Variants in TENM3 observed in about 807,000 individuals in gnomAD.
TENM3 encodes the protein teneurin-3.
A neutral mutation model predicts 255.1 loss-of-function variants in TENM3; 63 were observed. That is an observed-to-expected ratio of 0.25 (90% CI 0.20 to 0.30). The LOEUF (loss-of-function observed/expected upper bound fraction) is 0.30, where lower values mean the gene tolerates loss of function less well. Ranked by LOEUF, TENM3 falls within the 10% of genes least tolerant of loss-of-function variation. TENM3 has a pLI of 1.00. For synonymous variants in TENM3, 1,306 were observed against 1,322.3 expected (o/e 0.99, Z 0.27); for missense variants, 2,929 against 3,461.1 (o/e 0.85, Z 3.86).
intron 3 of TENM3, among the ~76,000 whole-genome samples, chr4:182,501,227 A>G (rs1736284078): frequency 6.6e-6 from 1 of 152,154 alleles, no homozygotes; most frequent in Non-Finnish European, 1.5e-5. Context: ...TTCTGTGTTC[A>G]GTAGAGTGCT....
intron 3 of TENM3, among the ~76,000 whole-genome samples, chr4:182,527,892 T>C (rs1265049768): frequency 6.6e-6 from 1 of 152,056 alleles, no homozygotes; most frequent in Non-Finnish European, 1.5e-5. Context: ...CACGCCCGGC[T>C]AATTTTTGTA....
the TENM3 span, among the ~76,000 whole-genome samples, chr4:181,668,085 A>G: frequency 6.6e-6 from 1 of 152,352 alleles, no homozygotes; most frequent in South Asian, 2.1e-4. Context: ...TCTGGGCCCA[A>G]TGCATCCCAA....
chr4:182,138,802 A>G, the TENM3 span, among the ~76,000 whole-genome samples: 1 of 152,186 alleles, frequency 6.6e-6, no homozygotes, highest in African/African-American at 2.4e-5. Context: ...GCCTTTTCTC[A>G]TTGTTTTTGT....
chr4:182,036,186 T>C, the TENM3 span, among the ~76,000 whole-genome samples: 2 of 152,120 alleles, frequency 1.3e-5, no homozygotes, highest in Admixed American at 1.3e-4. Flanking sequence ...TGCATCTGTG[T>C]GTGATAATCT....
the TENM3 span, among the ~76,000 whole-genome samples, chr4:181,575,147 A>C: frequency 6.6e-6 from 1 of 152,100 alleles, no homozygotes. Flanking sequence ...CAGGAGTTTA[A>C]GTTTTTTGTT....
intron 1 of TENM3, among the ~76,000 whole-genome samples, chr4:182,147,481 A>C (rs1750048518): frequency 6.6e-6 from 1 of 152,140 alleles, no homozygotes; most frequent in South Asian, 2.1e-4. Context: ...ACCCTGTAAA[A>C]ATTTGATTTC....
At chr4:181,955,280 G>C in the TENM3 span, among the ~76,000 whole-genome samples, 2 of 152,158 alleles carry the variant, frequency 1.3e-5, no homozygotes, top group African/African-American at 4.8e-5. Context: ...GCAGAATTTA[G>C]TATATTTGTA....
chr4:182,167,622 C>T (rs1468682285), intron 1 of TENM3, among the ~76,000 whole-genome samples: 1 of 152,116 alleles, frequency 6.6e-6, no homozygotes, highest in East Asian at 1.9e-4. Context: ...CCTATAATCT[C>T]AGCACTTTGG....
the TENM3 span, chr4:181,820,117 G>C: frequency 6.6e-6 from 1 of 152,198 alleles, no homozygotes; most frequent in African/African-American, 2.4e-5. Flanking sequence ...CCAGAGCTGT[G>C]ATACTTGGAA....
rs1041433630 is a variant in TENM3 at position 182,735,389 on chromosome 4, T to C, written c.2968-1419T>C. Among the ~76,000 whole-genome samples, 31 of 152,290 alleles carry C rather than the reference T, an allele frequency of 2.0e-4. 1 individual carries two copies. The highest frequency in any genetic ancestry group is 1.8e-3 in the Admixed American group (27 of 15,294). On this transcript the variant is annotated intron_variant, in intron 16 of 27. Transcript: ENST00000511685. ...ATTCATGCTGCTTCCAACTGTGTGATTGTTTATATTGAAGCTGACAGCTCC... is the reference window on the plus strand; with the variant it reads ...ATTCATGCTGCTTCCAACTGTGTGACTGTTTATATTGAAGCTGACAGCTCC...
At chr4:181,717,462 T>G in the TENM3 span, among the ~76,000 whole-genome samples, 6 of 152,212 alleles carry the variant, frequency 3.9e-5, no homozygotes, top group Non-Finnish European at 5.9e-5. Context: ...TGATAGGCAC[T>G]GTAAGTAAAC....
In TENM3 at chr4:182,754,544, G is replaced by A. The variant is rs200687454; in HGVS notation, c.4177G>A (p.Val1393Met). ...TCAGGTTCCCGGAGTGGAATATCCT[G>A]TGGGGAAGCACGCGGTGCAGACAAC... ...HCQVPGVEYPVGKHAVQTTLE... is the reference protein window; with the variant it reads ...HCQVPGVEYPMGKHAVQTTLE... The change falls in exon 22 of 28, where the codon GTG becomes ATG. Residue 1393 changes from valine (V) to methionine (M), a missense_variant. By Grantham distance (21) the Val-to-Met change is conservative. Coordinates refer to ENST00000511685, the MANE Select transcript of TENM3 (RefSeq NM_001080477.4). This position sits in a 1 kb window ranked among gnomAD's most constrained non-coding sequence, Gnocchi z 5.1. 1.9e-5 allele frequency: 31 copies of A among 1,613,990 alleles called. No homozygotes were observed. The highest frequency in any genetic ancestry group is 3.3e-4 in the Middle Eastern group (2 of 6,062).
chr4:181,848,548 T>C, the TENM3 span, among the ~76,000 whole-genome samples: 1 of 152,162 alleles, frequency 6.6e-6, no homozygotes, highest in African/African-American at 2.4e-5. Context: ...GTGTTAACAC[T>C]GCATGATAAT....
chr4:181,730,840 C>A, the TENM3 span, among the ~76,000 whole-genome samples: 3 of 152,034 alleles, frequency 2.0e-5, no homozygotes, highest in African/African-American at 7.2e-5. Flanking sequence ...TATGCAGCCA[C>A]CAAAGTAAAA....
the TENM3 span, among the ~76,000 whole-genome samples, chr4:182,124,926 CGCTGTGTGTGCT>C: frequency 1.3e-5 from 2 of 150,426 alleles, no homozygotes; most frequent in East Asian, 2.0e-4. Flanking sequence ...AGCGCATCCA[CGCTGTGTGTGCT>C]ACTCGCCCCT....
At chr4:181,727,880 A>T in the TENM3 span, among the ~76,000 whole-genome samples, 3 of 152,212 alleles carry the variant, frequency 2.0e-5, no homozygotes, top group Admixed American at 6.5e-5. Flanking sequence ...TCCTAATGTT[A>T]CTTTCAGAAG....
At chr4:181,574,071 A>T in the TENM3 span, among the ~76,000 whole-genome samples, 51 of 152,322 alleles carry the variant, frequency 3.3e-4, no homozygotes, top group African/African-American at 1.2e-3. Flanking sequence ...AAACTCCCCG[A>T]AGATTTAATA....
chr4:181,759,046 T>G, the TENM3 span, among the ~76,000 whole-genome samples: 13 of 152,302 alleles, frequency 8.5e-5, no homozygotes, highest in African/African-American at 3.1e-4. Context: ...TCTTAACTAT[T>G]CATAATACAA....
chr4:181,894,382 G>T, the TENM3 span, among the ~76,000 whole-genome samples: 1 of 152,022 alleles, frequency 6.6e-6, no homozygotes, highest in African/African-American at 2.4e-5. Flanking sequence ...TGTACTGCTC[G>T]GACTTCACAC....
Sources: gnomAD v4.1 joint callset for allele counts (sites outside exome capture counted in the v4.1 genomes callset) on GRCh38, gnomAD v4.1.1 for gene constraint, Gnocchi (gnomAD v3.1) non-coding constraint, MANE v1.5 for transcripts, NCBI Gene and HGNC (gene_info 2026-07-23, HGNC 2026-07-21) for gene names.